ANO1: variants seen among roughly 807,000 people sequenced by gnomAD.
ANO1 encodes the protein anoctamin-1.
ANO1 carries 59 observed loss-of-function variants against 124.0 expected under a neutral mutation model. The observed-to-expected ratio is 0.48, with a 90% CI of 0.39 to 0.59. The LOEUF (loss-of-function observed/expected upper bound fraction) is 0.59. Among genes scored for constraint, ANO1 ranks in the 20% least tolerant of loss-of-function variants. The probability of loss-of-function intolerance (pLI) is 0.00; values close to 1 mark genes in which losing one functional copy is unlikely to be tolerated. For synonymous variants in ANO1, 529 were observed against 532.0 expected (o/e 0.99, Z 0.08); for missense variants, 1,059 against 1,328.0 (o/e 0.80, Z 3.15).
intron 1 of ANO1, among the ~76,000 whole-genome samples, chr11:70,055,388 T>G (rs1555006709): frequency 6.6e-6 from 1 of 152,086 alleles, no homozygotes; most frequent in Admixed American, 6.5e-5. Flanking sequence ...AATTATTATA[T>G]CTTTCTGTTG....
At chr11:70,093,272 C>T (rs2044709211) in intron 2 of ANO1, among the ~76,000 whole-genome samples, 1 of 149,708 alleles carries the variant, frequency 6.7e-6, no homozygotes, top group South Asian at 2.2e-4. Flanking sequence ...CTCTCTCTCC[C>T]CCTCTCTCTC....
At position 70,168,407 on chromosome 11, in the gene ANO1, C is replaced by T. The variant is rs144829436; in HGVS notation, c.2197+1020C>T. Among the ~76,000 whole-genome samples, 212 of 152,128 alleles carry T rather than the reference C, an allele frequency of 1.4e-3. 2 individuals carry two copies. The highest frequency in any genetic ancestry group is 4.4e-3 in the African/African-American group (184 of 41,506). On this transcript the variant is annotated intron_variant, in intron 21 of 25. Transcript: ENST00000355303. ...TGAAAGGGGCAGCCCCTCCCCGACA[C>T]GGCCACGACCCCCACCCCTCCTCTG...
At chr11:70,184,282 C>T (rs10898831) in intron 24 of ANO1, among the ~76,000 whole-genome samples, 29,052 of 152,134 alleles carry the variant, frequency 0.19, 3,292 homozygotes, top group African/African-American at 0.31. Context: ...TAGGCAGAGA[C>T]CTCACCCTGC....
At chr11:70,108,332 C>T in intron 5 of ANO1, 21 bp from the exon 6 acceptor site, 7 of 1,604,438 alleles carry the variant, frequency 4.4e-6, no homozygotes, top group South Asian at 1.1e-5. Flanking sequence ...CTGCTCACCC[C>T]CCTTCTTGTC....
rs1320418656 is a variant in ANO1 at position 70,121,689 on chromosome 11, A to T, written c.898-2661A>T. Among the ~76,000 whole-genome samples the T allele has an allele frequency of 1.8e-4, 7 of 39,450 alleles. No individual in the cohort carries two copies. The Admixed American group carries it at 2.2e-3, about 12-fold the overall frequency. 25.9% of individuals were successfully genotyped at this position (39,450 alleles called of 152,430 possible). On this transcript the variant is annotated intron_variant, in intron 8 of 25. Transcript: ENST00000355303. The stretch of plus-strand genomic sequence containing the variant: ...CTCTGTCTCTCTCTCCGTCTCCCCC[A>T]CCTCTCTCTGTCTGTCTCTCTATCT...
At chr11:70,180,126 GAGA>G in intron 23 of ANO1, 70 bp downstream of exon 23, 2 of 1,425,216 alleles carry the variant, frequency 1.4e-6, no homozygotes, top group Non-Finnish European at 2.0e-6. Flanking sequence ...GGGCCCTGTG[GAGA>G]AGGAGCTGGG....
At chr11:70,155,858 G>A in intron 14 of ANO1, 53 bp from the exon 15 acceptor site, 1 of 1,490,450 alleles carries the variant, frequency 6.7e-7, no homozygotes, top group African/African-American at 1.4e-5. Flanking sequence ...GCGGTCTGCG[G>A]TGCCGCCTCC....
rs201962504 is a variant in ANO1 at position 70,185,633 on chromosome 11, G to A, written c.2632G>A (p.Asp878Asn). ...GCCGCCGTGGTCGGAAAACAAGTAC[G>A]ACATCTCCAAGGACTTCTGGGCCGT... is the stretch of plus-strand genomic sequence containing the variant. Reference protein sequence around the residue: ...REPPWSENKYDISKDFWAVLA... With the variant: ...REPPWSENKYNISKDFWAVLA... Residue 878 changes from aspartate (D) to asparagine (N), a missense_variant, in exon 25 of 26, where the codon GAC becomes AAC. By Grantham distance (23) the Asp-to-Asn change is conservative. Coordinates refer to ENST00000355303, the MANE Select transcript of ANO1 (RefSeq NM_018043.7). The A allele has an allele frequency of 4.3e-6, 7 of 1,613,920 alleles. No homozygotes were observed. The highest frequency in any genetic ancestry group is 1.7e-5 in the Admixed American group (1 of 60,022).
Position 70,052,531 on chromosome 11 carries a change from C to CTTTTTTTTTTTTTTTT in ANO1, c.59-25988_59-25973dup, listed in dbSNP as rs200770702. Reference sequence around the variant, plus strand: ...TTTGGGGAGAATTTCTTTTTCTTTTCTTTTTTTTTTTTTTTTTTTTTTTTT... The same window carrying CTTTTTTTTTTTTTTTT: ...TTTGGGGAGAATTTCTTTTTCTTTTCTTTTTTTTTTTTTTTTTTTTTTTTTTTTTTTTTTTTTTTTT... On this transcript the variant is annotated intron_variant, in intron 1 of 27. Transcript: ENST00000531349. Among the ~76,000 whole-genome samples, 27 of 65,908 alleles carry CTTTTTTTTTTTTTTTT rather than the reference C, an allele frequency of 4.1e-4. 1 individual carries two copies. The highest frequency in any genetic ancestry group is 6.2e-4 in the African/African-American group (11 of 17,836). The allele number at this position is 65,908 out of a possible 152,430, so 43.2% of individuals were successfully genotyped here.
chr11:70,168,867 C>A (rs188830202), intron 21 of ANO1, among the ~76,000 whole-genome samples: 9 of 152,178 alleles, frequency 5.9e-5, no homozygotes, highest in African/African-American at 2.2e-4. Context: ...GCTCCTGGCT[C>A]CCCAGACAAT....
intron 21 of ANO1, among the ~76,000 whole-genome samples, chr11:70,167,701 A>G (rs371246707): frequency 1.4e-5 from 2 of 141,440 alleles, no homozygotes; most frequent in African/African-American, 5.2e-5. Flanking sequence ...CCCCAGCCAC[A>G]GTCCCCAGGC....
intron 8 of ANO1, among the ~76,000 whole-genome samples, chr11:70,119,811 A>G (rs1373173581): frequency 6.6e-6 from 1 of 151,078 alleles, no homozygotes; most frequent in Non-Finnish European, 1.5e-5. Flanking sequence ...GAATAGATGG[A>G]TGCCAGAGGG....
chr11:70,183,543 A>G (rs1430466178), intron 24 of ANO1, among the ~76,000 whole-genome samples: 1 of 152,228 alleles, frequency 6.6e-6, no homozygotes, highest in Non-Finnish European at 1.5e-5. Flanking sequence ...CTGGGGTGCT[A>G]TGACTTGAAG....
Position 70,153,141 on chromosome 11 carries a change from C to T in ANO1, c.1425+13C>T, listed in dbSNP as rs750294823. 1.9e-6 allele frequency: 3 copies of T among 1,593,686 alleles called. No homozygotes were observed. In the African/African-American group the frequency reaches 4.0e-5, roughly 21 times the overall value. Reference sequence around the variant, plus strand: ...CAGAAACAAAGAGGTATGGTGGCCACTGTGGGTTAACTTTCCCAGCAATAA... The same window carrying T: ...CAGAAACAAAGAGGTATGGTGGCCATTGTGGGTTAACTTTCCCAGCAATAA... On this transcript the variant is annotated intron_variant, in intron 14 of 25. Transcript: ENST00000355303.
At chr11:70,159,778 G>A (rs561218125) in intron 16 of ANO1, among the ~76,000 whole-genome samples, 18 of 152,348 alleles carry the variant, frequency 1.2e-4, no homozygotes, top group Non-Finnish European at 2.4e-4. Context: ...TGCTGGCACG[G>A]GGACAGACAT....
chr11:70,027,502 C>T (rs1016188292), intron 1 of ANO1, among the ~76,000 whole-genome samples: 3 of 152,222 alleles, frequency 2.0e-5, no homozygotes, highest in East Asian at 1.9e-4. Context: ...GCGGAACTAC[C>T]GCAAGCCAGG....
At chr11:70,048,481 G>T (rs1857294454) in intron 1 of ANO1, among the ~76,000 whole-genome samples, 1 of 151,918 alleles carries the variant, frequency 6.6e-6, no homozygotes, top group Non-Finnish European at 1.5e-5. Flanking sequence ...TGGGGGGGTG[G>T]TGTGGTTTAT....
chr11:70,121,493 CTCTG>C (rs756901528), intron 8 of ANO1, among the ~76,000 whole-genome samples: 18 of 148,522 alleles, frequency 1.2e-4, no homozygotes, highest in Middle Eastern at 3.6e-3. Context: ...TCCCCCACCT[CTCTG>C]TCTGTCTCTC....
chr11:69,991,804 C>T (rs528238190), intron 1 of ANO1, among the ~76,000 whole-genome samples: 5 of 152,188 alleles, frequency 3.3e-5, no homozygotes, highest in East Asian at 3.8e-4. Context: ...GTAGCTATAG[C>T]CCTTGCTCTC....
Sources: allele counts gnomAD v4.1 joint callset (sites outside exome capture counted in the v4.1 genomes callset), GRCh38; gene constraint gnomAD v4.1.1; transcripts MANE v1.5; gene names NCBI Gene and HGNC (gene_info 2026-07-23, HGNC 2026-07-21).